Variants in PRKCA observed in about 807,000 individuals in gnomAD.
PRKCA encodes protein kinase C alpha type.
PRKCA carries 27 observed loss-of-function variants against 87.0 expected under a neutral mutation model. That is an observed-to-expected ratio of 0.31 (90% confidence interval 0.23 to 0.43). The LOEUF (loss-of-function observed/expected upper bound fraction) is 0.43, where lower values mean the gene tolerates loss of function less well. PRKCA is among the 20% of genes least tolerant of loss of function. The probability of loss-of-function intolerance (pLI) is 1.00; values close to 1 mark genes in which losing one functional copy is unlikely to be tolerated. For missense variants in PRKCA, 518 were observed against 852.3 expected, an observed-to-expected ratio of 0.61 and a Z score of 4.88; for synonymous variants, 329 against 311.1, an observed-to-expected ratio of 1.06 and a Z score of -0.61.
intron 8 of PRKCA, among the ~76,000 whole-genome samples, chr17:66,713,466 G>A (rs1973391310): frequency 6.6e-6 from 1 of 152,136 alleles, no homozygotes; most frequent in African/African-American, 2.4e-5. Context: ...ACTCCCACCT[G>A]CAGCAGTGAA....
At chr17:66,688,247 C>G (rs991237611) in intron 6 of PRKCA, 55 bp from the exon 7 acceptor site, 32 of 1,598,218 alleles carry the variant, frequency 2.0e-5, no homozygotes, top group Middle Eastern at 1.7e-4. Context: ...TGTGGTATCT[C>G]CCAAGAAACC....
chr17:66,435,054 C>T (rs894036210), intron 2 of PRKCA, among the ~76,000 whole-genome samples: 10 of 152,132 alleles, frequency 6.6e-5, no homozygotes, highest in African/African-American at 2.4e-4. Flanking sequence ...TGTTTGTATT[C>T]TTGGGAGTAA....
At chr17:66,801,575 CAA>C (rs1222226503) in intron 16 of PRKCA, among the ~76,000 whole-genome samples, 1 of 152,204 alleles carries the variant, frequency 6.6e-6, no homozygotes, top group Admixed American at 6.5e-5. Flanking sequence ...ATTTATTTTT[CAA>C]AGAGCCTTTC....
chr17:66,359,981 A>G (rs1240343938), intron 2 of PRKCA, among the ~76,000 whole-genome samples: 1 of 152,158 alleles, frequency 6.6e-6, no homozygotes, highest in East Asian at 1.9e-4. Context: ...CACTCCTTAA[A>G]TTTAATATTC....
intron 2 of PRKCA, among the ~76,000 whole-genome samples, chr17:66,430,822 G>A (rs952275361): frequency 6.6e-6 from 1 of 152,140 alleles, no homozygotes; most frequent in East Asian, 1.9e-4. Context: ...GTTGAAGACG[G>A]CTGTTTTAGG....
At chr17:66,357,916 A>G (rs1908158683) in intron 2 of PRKCA, among the ~76,000 whole-genome samples, 1 of 152,160 alleles carries the variant, frequency 6.6e-6, no homozygotes. Context: ...ATTGGAGATG[A>G]GTGCCTTGGT....
At chr17:66,663,199 C>G (rs1971954180) in intron 5 of PRKCA, among the ~76,000 whole-genome samples, 1 of 152,212 alleles carries the variant, frequency 6.6e-6, no homozygotes, top group South Asian at 2.1e-4. Flanking sequence ...TCTCCAGCCT[C>G]AAAGGTTCAT....
intron 11 of PRKCA, among the ~76,000 whole-genome samples, chr17:66,741,197 C>A (rs112173490): frequency 2.0e-5 from 3 of 152,164 alleles, no homozygotes; most frequent in Admixed American, 6.5e-5. Flanking sequence ...CTCCAACACT[C>A]GCAAGGAATG....
intron 2 of PRKCA, among the ~76,000 whole-genome samples, chr17:66,368,864 T>A (rs1420550423): frequency 6.6e-6 from 1 of 152,226 alleles, no homozygotes; most frequent in African/African-American, 2.4e-5. Flanking sequence ...AGGGGTTAGC[T>A]AGAGGCCTGA....
intron 16 of PRKCA, among the ~76,000 whole-genome samples, chr17:66,790,435 C>T (rs1031589199): frequency 6.6e-6 from 1 of 152,076 alleles, no homozygotes; most frequent in Non-Finnish European, 1.5e-5. Flanking sequence ...GCTCCTGCCC[C>T]TCAACATACA....
chr17:66,631,629 T>C (rs537880769), intron 3 of PRKCA, among the ~76,000 whole-genome samples: 1 of 152,248 alleles, frequency 6.6e-6, no homozygotes, highest in African/African-American at 2.4e-5. Flanking sequence ...ATCAGAGGTT[T>C]TTGAAATTTA....
chr17:66,313,757 G>T (rs1905181014), intron 2 of PRKCA, among the ~76,000 whole-genome samples: 2 of 152,122 alleles, frequency 1.3e-5, no homozygotes, highest in Admixed American at 1.3e-4. Flanking sequence ...GTACCTGAAA[G>T]GTTTTTGTGC....
At chr17:66,554,639 T>G in intron 3 of PRKCA, 2 of 675,320 alleles carry the variant, frequency 3.0e-6, no homozygotes, top group Non-Finnish European at 3.7e-6. Context: ...CACTAGCAAA[T>G]AAATTAAATC....
intron 10 of PRKCA, 143 bp from the exon 11 acceptor site, chr17:66,738,621 A>G: frequency 2.9e-6 from 2 of 684,960 alleles, no homozygotes; most frequent in Non-Finnish European, 5.2e-6. Context: ...TTGGAAAAAA[A>G]TGTGAAAGAG....
At position 66,805,819 on chromosome 17, in the gene PRKCA, C is replaced by G. The variant is rs1354726314; in HGVS notation, c.*1782C>G. On this transcript the variant is annotated 3_prime_UTR_variant, in exon 17 of 17. Transcript: ENST00000413366. The stretch of plus-strand genomic sequence containing the variant: ...GTGCGTGTGTGTGTGTTTCCTTCTT[C>G]CCTTCAGCCTGTGACTGTTGCTGAC... 1 of 152,350 alleles carries G rather than the reference C, an allele frequency of 6.6e-6. No homozygotes were observed. The highest frequency in any genetic ancestry group is 1.5e-5 in the Non-Finnish European group (1 of 68,222). 9.4% of individuals were successfully genotyped at this position (152,350 alleles called of 1,614,324 possible).
At position 66,797,463 on chromosome 17, in the gene PRKCA, G is replaced by A. The variant is rs547081801; in HGVS notation, c.1855-6410G>A. Among the ~76,000 whole-genome samples, 158 of 152,262 alleles carry A rather than the reference G, an allele frequency of 1.0e-3. 1 individual carries two copies. Among genetic ancestry groups the A allele is most frequent in the African/African-American group, 3.7e-3 (155 of 41,558 alleles). ...GGTAGCTTATTAATAACGTTCCTTC[G>A]TCCCTCAGAGATCGATCACATGCCT... On this transcript the variant is annotated intron_variant, in intron 16 of 16. Transcript: ENST00000413366.
intron 8 of PRKCA, among the ~76,000 whole-genome samples, chr17:66,723,543 G>A (rs964357207): frequency 3.3e-5 from 5 of 151,858 alleles, no homozygotes; most frequent in Admixed American, 3.3e-4. Flanking sequence ...CAGGAGAATC[G>A]CTTGAACCCA....
intron 5 of PRKCA, among the ~76,000 whole-genome samples, chr17:66,654,693 G>A (rs16959864): frequency 0.051 from 7,825 of 152,244 alleles, 687 homozygotes; most frequent in African/African-American, 0.18. Flanking sequence ...GGATGGCTCC[G>A]CAGCTCCTGT....
chr17:66,603,078 A>C (rs1970101714), intron 3 of PRKCA, among the ~76,000 whole-genome samples: 1 of 152,200 alleles, frequency 6.6e-6, no homozygotes, highest in African/African-American at 2.4e-5. Flanking sequence ...CTTTTAGCTG[A>C]ACTAAAGAGA....
Sources: gnomAD v4.1 joint callset for allele counts (sites outside exome capture counted in the v4.1 genomes callset) on GRCh38, gnomAD v4.1.1 for gene constraint, MANE v1.5 for transcripts, NCBI Gene and HGNC (gene_info 2026-07-23, HGNC 2026-07-21) for gene names.